KLF9: variants seen among roughly 807,000 people sequenced by gnomAD.
KLF9 encodes KLF transcription factor 9.
A neutral mutation model predicts 17.3 loss-of-function variants in KLF9; 2 were observed. That is an observed-to-expected ratio of 0.12 (90% CI 0.05 to 0.36). KLF9 has a LOEUF of 0.36. Ranked by LOEUF, KLF9 falls within the 10% of genes least tolerant of loss-of-function variation. The pLI is 1.00. For missense variants in KLF9, 226 were observed against 333.2 expected (o/e 0.68, Z 2.51); for synonymous variants, 138 against 139.2 (o/e 0.99, Z 0.06).
At chr9:70,396,539 A>G (rs2037182716) in intron 1 of KLF9, among the ~76,000 whole-genome samples, 1 of 152,176 alleles carries the variant, frequency 6.6e-6, no homozygotes, top group Non-Finnish European at 1.5e-5. Flanking sequence ...CTGTAATCCT[A>G]ACACTTTGGG....
intron 1 of KLF9, among the ~76,000 whole-genome samples, chr9:70,389,498 C>A (rs1241108668): frequency 6.6e-6 from 1 of 152,164 alleles, no homozygotes; most frequent in African/African-American, 2.4e-5. Flanking sequence ...TGTCCTGACT[C>A]CTGGGGGTCC....
At chr9:70,394,821 A>G (rs1366153919) in intron 1 of KLF9, among the ~76,000 whole-genome samples, 1 of 152,240 alleles carries the variant, frequency 6.6e-6, no homozygotes, top group African/African-American at 2.4e-5. Flanking sequence ...GAAGAAATGC[A>G]TAAAGCCTCA....
intron 1 of KLF9, among the ~76,000 whole-genome samples, chr9:70,392,653 C>G (rs1278615951): frequency 6.6e-6 from 1 of 152,092 alleles, no homozygotes; most frequent in East Asian, 1.9e-4. Context: ...TGAATGGGAC[C>G]AGAGATGATC....
rs554609304 is a variant in KLF9 at position 70,386,905 on chromosome 9, G to T, written c.*871C>A. 1 of 152,508 alleles carries T rather than the reference G, an allele frequency of 6.6e-6. No homozygotes were observed. Among genetic ancestry groups the T allele is most frequent in the Non-Finnish European group, 1.5e-5 (1 of 68,026 alleles). 9.4% of individuals were successfully genotyped at this position (152,508 alleles called of 1,614,324 possible). A position where few individuals can be genotyped will look rare whatever the true frequency, so the allele number is the denominator to read the frequency against. On this transcript the variant is annotated 3_prime_UTR_variant, in exon 2 of 2. Coordinates refer to ENST00000377126, the MANE Select transcript of KLF9 (RefSeq NM_001206.4). ...TATTGTAAAATAAGCAGATTATAAC[G>T]TGGTGCCAAACAGAACATCTGCTTC...
chr9:70,396,764 A>T (rs1249708025), intron 1 of KLF9, among the ~76,000 whole-genome samples: 1 of 152,218 alleles, frequency 6.6e-6, no homozygotes, highest in Non-Finnish European at 1.5e-5. Flanking sequence ...TTTTTTAAAC[A>T]GTGAGTATAA....
rs1318336657 is a variant in KLF9 at position 70,401,683 on chromosome 9, T to TCA, written c.505+11174_505+11175dup. On this transcript the variant is annotated intron_variant, in intron 1 of 1. Coordinates refer to ENST00000377126, the MANE Select transcript of KLF9 (RefSeq NM_001206.4). The stretch of plus-strand genomic sequence containing the variant: ...GTCTGGGCAACAGAGCAAGACTCCT[T>TCA]CACAAAAAAAAAAAAAAAAAAAGAA... Among the ~76,000 whole-genome samples, 22 of 74,694 alleles carry TCA rather than the reference T, an allele frequency of 2.9e-4. No homozygotes were observed. The East Asian group carries it at 8.2e-3, about 28-fold the overall frequency. 49.0% of individuals were successfully genotyped at this position (74,694 alleles called of 152,430 possible).
intron 1 of KLF9, among the ~76,000 whole-genome samples, chr9:70,397,511 T>A (rs2037189823): frequency 6.6e-6 from 1 of 151,538 alleles, no homozygotes. Flanking sequence ...AGAAACTTCC[T>A]GAATATACTA....
rs566439166 is a variant in KLF9, at chr9:70,390,540, C to A, written c.506-2535G>T. On this transcript the variant is annotated intron_variant, in intron 1 of 1. Coordinates refer to ENST00000377126, the MANE Select transcript of KLF9 (RefSeq NM_001206.4). Reference sequence around the variant, plus strand: ...AGTCAAAATACAGATTGTTACAACCCCATCAAGGCTGAGCTTCTTGAGGCA... The same window carrying A: ...AGTCAAAATACAGATTGTTACAACCACATCAAGGCTGAGCTTCTTGAGGCA... 3.9e-5 allele frequency among the ~76,000 whole-genome samples: 6 copies of A among 152,224 alleles called. No homozygotes were observed. In the East Asian group the frequency reaches 1.2e-3, roughly 29 times the overall value.
intron 1 of KLF9, among the ~76,000 whole-genome samples, chr9:70,398,375 G>A (rs534004635): frequency 6.6e-6 from 1 of 152,300 alleles, no homozygotes; most frequent in South Asian, 2.1e-4. Flanking sequence ...AAGCATGTCA[G>A]AGTCTAAGAA....
At chr9:70,401,911 A>G (rs1486425146) in intron 1 of KLF9, among the ~76,000 whole-genome samples, 5 of 151,860 alleles carry the variant, frequency 3.3e-5, no homozygotes, top group African/African-American at 4.8e-5. Flanking sequence ...GCTACTCAGG[A>G]GGCTGAGGCA....
At chr9:70,388,646 T>G (rs1383640046) in intron 1 of KLF9, among the ~76,000 whole-genome samples, 1 of 152,202 alleles carries the variant, frequency 6.6e-6, no homozygotes, top group Non-Finnish European at 1.5e-5. Context: ...GCTAAATTTC[T>G]TGGTGTTGTA....
At chr9:70,400,394 C>T (rs895696424) in intron 1 of KLF9, among the ~76,000 whole-genome samples, 5 of 152,052 alleles carry the variant, frequency 3.3e-5, no homozygotes, top group African/African-American at 7.2e-5. Flanking sequence ...GGCTCTCCCA[C>T]GAGGCTGAAA....
At chr9:70,409,026 A>ATATATATATACATATATGTG in intron 1 of KLF9, among the ~76,000 whole-genome samples, 1 of 124,086 alleles carries the variant, frequency 8.1e-6, no homozygotes, top group Admixed American at 8.7e-5. Flanking sequence ...ATATATGTAT[A>ATATATATATACATATATGTG]TATATATATG....
At chr9:70,403,316 G>A (rs2037236933) in intron 1 of KLF9, among the ~76,000 whole-genome samples, 1 of 152,154 alleles carries the variant, frequency 6.6e-6, no homozygotes, top group South Asian at 2.1e-4. Flanking sequence ...GTTCCAGGGA[G>A]GGTGACCCCA....
At chr9:70,412,571 CGGGGCGGGACAGGGGA>C (rs1406444781) in intron 1 of KLF9, among the ~76,000 whole-genome samples, 1 of 144,538 alleles carries the variant, frequency 6.9e-6, no homozygotes, top group Non-Finnish European at 1.5e-5. Context: ...GTCCCGGGGG[CGGGGCGGGACAGGGGA>C]GGGGCGGACA....
intron 1 of KLF9, among the ~76,000 whole-genome samples, chr9:70,403,756 G>A (rs2037239833): frequency 1.3e-5 from 2 of 152,080 alleles, no homozygotes; most frequent in South Asian, 4.1e-4. Context: ...CCCACAACCA[G>A]GTTATTTTTC....
chr9:70,403,510 C>T (rs1280991501), intron 1 of KLF9, among the ~76,000 whole-genome samples: 4 of 152,222 alleles, frequency 2.6e-5, no homozygotes, highest in South Asian at 2.1e-4. Context: ...TCTGGAACTG[C>T]GGGCAGCCAT....
intron 1 of KLF9, among the ~76,000 whole-genome samples, chr9:70,407,987 C>T (rs1226401494): frequency 6.6e-6 from 1 of 152,130 alleles, no homozygotes; most frequent in African/African-American, 2.4e-5. Context: ...GGTTCTGTGA[C>T]AGGTGAAAAA....
rs1430566376 is a variant in KLF9 at position 70,413,483 on chromosome 9, C to G, written c.-120G>C. The G allele has an allele frequency of 3.6e-6, 4 of 1,117,330 alleles. No individual in the cohort carries two copies. Among genetic ancestry groups the G allele is most frequent in the Non-Finnish European group, 4.5e-6 (4 of 891,400 alleles). 69.2% of individuals were successfully genotyped at this position (1,117,330 alleles called of 1,614,324 possible). A position where few individuals can be genotyped will look rare whatever the true frequency, so the allele number is the denominator to read the frequency against. On this transcript the variant is annotated 5_prime_UTR_variant, in exon 1 of 2. Coordinates refer to ENST00000377126, the MANE Select transcript of KLF9 (RefSeq NM_001206.4). The surrounding 1 kb of genome is among the most constrained non-coding windows in gnomAD (Gnocchi z 5.6). ...GCGCGGCGCGGCACGGCGCGGCGGC[C>G]AAGGGGGCGGGGGCGCGGGGCGCTT...
Sources: gnomAD v4.1 joint callset for allele counts (sites outside exome capture counted in the v4.1 genomes callset) on GRCh38, gnomAD v4.1.1 for gene constraint, Gnocchi (gnomAD v3.1) non-coding constraint, MANE v1.5 for transcripts, NCBI Gene and HGNC (gene_info 2026-07-23, HGNC 2026-07-21) for gene names.